CAMK1D: variants seen among roughly 807,000 people sequenced by gnomAD.
The protein encoded by CAMK1D is calcium/calmodulin dependent protein kinase ID.
In CAMK1D, 9 loss-of-function variants were observed where a neutral mutation model predicts 47.7. The observed-to-expected ratio is 0.19, with a 90% CI of 0.11 to 0.33. The LOEUF (loss-of-function observed/expected upper bound fraction) is 0.33. Ranked by LOEUF, CAMK1D falls within the 10% of genes least tolerant of loss-of-function variation. The pLI is 1.00. For missense variants in CAMK1D, 291 were observed against 488.7 expected, an observed-to-expected ratio of 0.60 and a Z score of 3.81; for synonymous variants, 184 against 184.9, an observed-to-expected ratio of 0.99 and a Z score of 0.04.
At chr10:12,700,171 C>T (rs57050023) in intron 3 of CAMK1D, among the ~76,000 whole-genome samples, 1,543 of 152,228 alleles carry the variant, frequency 0.01, 24 homozygotes, top group African/African-American at 0.025. Context: ...CTCTGTAAGG[C>T]GTCATAGATT....
At chr10:12,774,586 A>T (rs567707916) in intron 5 of CAMK1D, among the ~76,000 whole-genome samples, 16 of 152,268 alleles carry the variant, frequency 1.1e-4, no homozygotes, top group Non-Finnish European at 2.1e-4. Flanking sequence ...GCAGTGACAT[A>T]TTGTTTTTAA....
At chr10:12,546,529 G>C (rs1365586059) in intron 1 of CAMK1D, among the ~76,000 whole-genome samples, 1 of 152,188 alleles carries the variant, frequency 6.6e-6, no homozygotes, top group East Asian at 1.9e-4. Context: ...GCACATGAGA[G>C]AGATTAAAAT....
intron 3 of CAMK1D, among the ~76,000 whole-genome samples, chr10:12,724,649 A>G (rs1399907378): frequency 6.6e-6 from 1 of 152,238 alleles, no homozygotes; most frequent in Non-Finnish European, 1.5e-5. Context: ...GTTTGGGAAA[A>G]TATTAATACT....
At chr10:12,602,224 T>C (rs1435430869) in intron 2 of CAMK1D, among the ~76,000 whole-genome samples, 2 of 152,206 alleles carry the variant, frequency 1.3e-5, no homozygotes, top group African/African-American at 4.8e-5. Context: ...CAATCTTTTA[T>C]TTTATCTGTT....
In CAMK1D at chr10:12,349,797, C is replaced by G. The variant is rs1254710832; in HGVS notation, c.-22C>G. 7.4e-7 allele frequency: 1 copy of G among 1,358,068 alleles called. No individual in the cohort carries two copies. The highest frequency in any genetic ancestry group is 1.5e-5 in the African/African-American group (1 of 65,606). 84.1% of individuals were successfully genotyped at this position (1,358,068 alleles called of 1,614,324 possible). A position where few individuals can be genotyped will look rare whatever the true frequency, so the allele number is the denominator to read the frequency against. The stretch of plus-strand genomic sequence containing the variant: ...CTCCCCAGCGCGCCCCCGGCCGCTC[C>G]TCCGCGCCGCGCTCGTCGGCCATGG... On this transcript the variant is annotated 5_prime_UTR_variant, in exon 1 of 11. Coordinates refer to ENST00000619168, the MANE Select transcript of CAMK1D (RefSeq NM_153498.4).
At chr10:12,492,347 C>CAAAAAAA (rs71384332) in intron 1 of CAMK1D, among the ~76,000 whole-genome samples, 1 of 110,414 alleles carries the variant, frequency 9.1e-6, no homozygotes. Context: ...CACCTCATCT[C>CAAAAAAA]AAAAAAAAAA....
chr10:12,408,311 G>A (rs1263223901), intron 1 of CAMK1D, among the ~76,000 whole-genome samples: 1 of 151,858 alleles, frequency 6.6e-6, no homozygotes, highest in Non-Finnish European at 1.5e-5. Flanking sequence ...ACAGGCGCCC[G>A]CTACCTCGCC....
At chr10:12,425,374 T>C (rs1840196210) in intron 1 of CAMK1D, among the ~76,000 whole-genome samples, 1 of 151,720 alleles carries the variant, frequency 6.6e-6, no homozygotes, top group African/African-American at 2.4e-5. Context: ...TTCTGGCGTC[T>C]AGGTTCCAGT....
intron 1 of CAMK1D, among the ~76,000 whole-genome samples, chr10:12,374,803 T>A (rs1279453324): frequency 6.6e-6 from 1 of 151,174 alleles, no homozygotes; most frequent in Non-Finnish European, 1.5e-5. Flanking sequence ...ATTAGCCGGG[T>A]GTGGTGGTGG....
At chr10:12,467,981 A>G (rs913784752) in intron 1 of CAMK1D, among the ~76,000 whole-genome samples, 4 of 152,254 alleles carry the variant, frequency 2.6e-5, no homozygotes, top group African/African-American at 9.6e-5. Context: ...TTACAGTACA[A>G]TATCATAACC....
chr10:12,380,040 C>T (rs778101668), intron 1 of CAMK1D, among the ~76,000 whole-genome samples: 3 of 151,732 alleles, frequency 2.0e-5, no homozygotes, highest in Non-Finnish European at 2.9e-5. Flanking sequence ...CGGTGAAACC[C>T]CGTCTCTACT....
At chr10:12,766,139 A>AT in intron 4 of CAMK1D, among the ~76,000 whole-genome samples, 1 of 151,446 alleles carries the variant, frequency 6.6e-6, no homozygotes, top group South Asian at 2.1e-4. Flanking sequence ...CTAGTTTTGT[A>AT]TTTTTAGTAG....
At chr10:12,538,934 G>C (rs1225015412) in intron 1 of CAMK1D, among the ~76,000 whole-genome samples, 1 of 151,734 alleles carries the variant, frequency 6.6e-6, no homozygotes, top group Admixed American at 6.6e-5. Flanking sequence ...CAGCCTCATG[G>C]GAGAATCGAG....
chr10:12,564,327 G>A (rs1423280123), intron 2 of CAMK1D, among the ~76,000 whole-genome samples: 2 of 151,098 alleles, frequency 1.3e-5, no homozygotes, highest in East Asian at 3.9e-4. Flanking sequence ...TTTTTTTTCT[G>A]TTAAGCTTTA....
chr10:12,826,560 G>A (rs1157838009), intron 10 of CAMK1D, among the ~76,000 whole-genome samples: 4 of 152,098 alleles, frequency 2.6e-5, no homozygotes, highest in Middle Eastern at 6.8e-3. Context: ...AAATAATCCC[G>A]TTTGGCCCTT....
At chr10:12,349,957 G>T (rs1002269562) in intron 1 of CAMK1D, 47 bp downstream of exon 1, 3 of 1,161,790 alleles carry the variant, frequency 2.6e-6, no homozygotes, top group Non-Finnish European at 3.6e-6. Flanking sequence ...CGCGGCAGGG[G>T]CTGCACGGGC....
chr10:12,701,973 A>T (rs376114304), intron 3 of CAMK1D, among the ~76,000 whole-genome samples: 20 of 152,220 alleles, frequency 1.3e-4, no homozygotes, highest in African/African-American at 4.8e-4. Flanking sequence ...TAGATCAGGT[A>T]TGTGGGGCAG....
chr10:12,665,773 G>T (rs1300224594), intron 2 of CAMK1D, among the ~76,000 whole-genome samples: 1 of 152,220 alleles, frequency 6.6e-6, no homozygotes, highest in East Asian at 1.9e-4. Flanking sequence ...GTTAGAACTT[G>T]GTTATTCAGA....
chr10:12,359,867 C>A (rs1258308231), intron 1 of CAMK1D, among the ~76,000 whole-genome samples: 2 of 152,188 alleles, frequency 1.3e-5, no homozygotes, highest in African/African-American at 4.8e-5. Flanking sequence ...ACCCCATAAG[C>A]ATATGTAACC....
Sources: gnomAD v4.1 joint callset for allele counts (sites outside exome capture counted in the v4.1 genomes callset) on GRCh38, gnomAD v4.1.1 for gene constraint, MANE v1.5 for transcripts, NCBI Gene and HGNC (gene_info 2026-07-23, HGNC 2026-07-21) for gene names.